EXOC6B: variants seen among roughly 807,000 people sequenced by gnomAD.
EXOC6B encodes exocyst complex component 6B, also known as SEC15 homolog B.
In EXOC6B, 54 loss-of-function variants were observed where a neutral mutation model predicts 113.5. The ratio of observed to expected loss-of-function variants is 0.48; its 90% CI spans 0.38 to 0.60. The LOEUF (loss-of-function observed/expected upper bound fraction) is 0.60, where lower values mean the gene tolerates loss of function less well. Ranked by LOEUF, EXOC6B falls within the 20% of genes least tolerant of loss-of-function variation. EXOC6B has a pLI of 0.00. For missense variants in EXOC6B, 797 were observed against 977.5 expected, an observed-to-expected ratio of 0.82 and a Z score of 2.46; for synonymous variants, 357 against 339.0, an observed-to-expected ratio of 1.05 and a Z score of -0.58.
intron 18 of EXOC6B, among the ~76,000 whole-genome samples, chr2:72,402,267 G>T (rs1305521920): frequency 6.6e-6 from 1 of 151,958 alleles, no homozygotes; most frequent in Non-Finnish European, 1.5e-5. Flanking sequence ...TTTCATCTAG[G>T]TTATCTTTAC....
chr2:72,375,452 A>G (rs897502386), intron 19 of EXOC6B, among the ~76,000 whole-genome samples: 6 of 152,208 alleles, frequency 3.9e-5, no homozygotes, highest in Admixed American at 6.5e-5. Context: ...GAAATTATAT[A>G]AAGTATGCTC....
At chr2:72,533,805 A>T (rs894455599) in intron 8 of EXOC6B, among the ~76,000 whole-genome samples, 1 of 152,202 alleles carries the variant, frequency 6.6e-6, no homozygotes, top group Non-Finnish European at 1.5e-5. Context: ...TTTTAATAGT[A>T]CCTTCAGAAT....
chr2:72,291,057 G>A (rs1685755361), intron 20 of EXOC6B, among the ~76,000 whole-genome samples: 1 of 152,094 alleles, frequency 6.6e-6, no homozygotes, highest in African/African-American at 2.4e-5. Context: ...TACAATTACT[G>A]TAAATTCCAT....
intron 6 of EXOC6B, among the ~76,000 whole-genome samples, chr2:72,663,588 C>T (rs1675174487): frequency 6.6e-6 from 1 of 152,004 alleles, no homozygotes; most frequent in African/African-American, 2.4e-5. Flanking sequence ...TGCAGTAAAA[C>T]CTGTGCTTAC....
intron 1 of EXOC6B, among the ~76,000 whole-genome samples, chr2:72,781,628 C>A (rs369681065): frequency 6.6e-6 from 1 of 152,078 alleles, no homozygotes; most frequent in South Asian, 2.1e-4. Context: ...GGCAACAGAT[C>A]GCATGTGGCC....
chr2:72,245,581 G>A (rs1362714060), intron 20 of EXOC6B, among the ~76,000 whole-genome samples: 1 of 152,198 alleles, frequency 6.6e-6, no homozygotes. Flanking sequence ...TATGTTGTAT[G>A]ATTCCAAATA....
intron 6 of EXOC6B, among the ~76,000 whole-genome samples, chr2:72,652,445 C>G (rs1460679657): frequency 6.6e-6 from 1 of 152,072 alleles, no homozygotes; most frequent in Non-Finnish European, 1.5e-5. Flanking sequence ...ATATAGGATA[C>G]ATATCGATCA....
intron 8 of EXOC6B, among the ~76,000 whole-genome samples, chr2:72,523,941 T>C (rs944470870): frequency 2.6e-5 from 4 of 151,704 alleles, no homozygotes; most frequent in Non-Finnish European, 5.9e-5. Flanking sequence ...AACTCTTGGA[T>C]TGAGAAGCAA....
chr2:72,285,212 C>G (rs1685355724), intron 20 of EXOC6B, among the ~76,000 whole-genome samples: 1 of 152,044 alleles, frequency 6.6e-6, no homozygotes, highest in Non-Finnish European at 1.5e-5. Flanking sequence ...TCTCAGACTT[C>G]AAGACTTACT....
intron 6 of EXOC6B, among the ~76,000 whole-genome samples, chr2:72,617,538 T>TC (rs1302453049): frequency 6.8e-6 from 1 of 146,826 alleles, no homozygotes; most frequent in Non-Finnish European, 1.5e-5. Context: ...TTTTTTTTTT[T>TC]TGAGGCAGGA....
chr2:72,312,866 A>G (rs1364230792), intron 20 of EXOC6B, among the ~76,000 whole-genome samples: 7 of 151,940 alleles, frequency 4.6e-5, no homozygotes, highest in African/African-American at 1.2e-4. Flanking sequence ...TTCATTTTAC[A>G]TTGGGGAAAT....
chr2:72,476,023 G>C (rs995459470), intron 17 of EXOC6B, among the ~76,000 whole-genome samples: 8 of 152,288 alleles, frequency 5.3e-5, no homozygotes, highest in African/African-American at 1.4e-4. Flanking sequence ...GTTGGAGTCA[G>C]GGCTCTAAGA....
chr2:72,744,189 T>G (rs1327381709), intron 1 of EXOC6B, among the ~76,000 whole-genome samples: 1 of 152,206 alleles, frequency 6.6e-6, no homozygotes, highest in Admixed American at 6.5e-5. Flanking sequence ...GTAAGTATAC[T>G]CTATGATGTT....
chr2:72,210,337 C>T (rs796228188), intron 20 of EXOC6B, among the ~76,000 whole-genome samples: 15 of 152,144 alleles, frequency 9.9e-5, no homozygotes, highest in Non-Finnish European at 2.1e-4. Flanking sequence ...TTTTTATGGA[C>T]GGCATATTGC....
chr2:72,599,023 G>T (rs900794906), intron 6 of EXOC6B, among the ~76,000 whole-genome samples: 2 of 151,980 alleles, frequency 1.3e-5, no homozygotes, highest in African/African-American at 4.8e-5. Context: ...AATAGAAGCA[G>T]AAAGATGCTT....
intron 1 of EXOC6B, among the ~76,000 whole-genome samples, chr2:72,786,394 A>G (rs148141707): frequency 6.6e-6 from 1 of 152,356 alleles, no homozygotes; most frequent in Non-Finnish European, 1.5e-5. Context: ...GGATAAAACA[A>G]TAATGAGCAA....
At chr2:72,216,286 GACAA>G (rs1458779475) in intron 20 of EXOC6B, among the ~76,000 whole-genome samples, 1 of 152,120 alleles carries the variant, frequency 6.6e-6, no homozygotes, top group Admixed American at 6.5e-5. Flanking sequence ...TTATGCATCT[GACAA>G]ACATATGAAA....
At chr2:72,734,689 A>G (rs1680841826) in intron 2 of EXOC6B, among the ~76,000 whole-genome samples, 1 of 152,202 alleles carries the variant, frequency 6.6e-6, no homozygotes, top group Admixed American at 6.5e-5. Flanking sequence ...CCCCTGGTCT[A>G]GAATAAACGT....
intron 20 of EXOC6B, among the ~76,000 whole-genome samples, chr2:72,256,264 G>T (rs367820347): frequency 2.6e-5 from 4 of 152,168 alleles, no homozygotes; most frequent in African/African-American, 9.7e-5. Context: ...CCTCCAGAAC[G>T]GTTAGAAATA....
Sources: gnomAD v4.1 joint callset for allele counts (sites outside exome capture counted in the v4.1 genomes callset) on GRCh38, gnomAD v4.1.1 for gene constraint, MANE v1.5 for transcripts, NCBI Gene and HGNC (gene_info 2026-07-23, HGNC 2026-07-21) for gene names.